The following EYS variants were observed in gnomAD, a reference collection of about 807,000 sequenced individuals.
The protein encoded by EYS is EGF-like photoreceptor maintenance factor, also known as protein eyes shut homolog.
EYS carries 250 observed loss-of-function variants against 282.1 expected under a neutral mutation model. The observed-to-expected ratio is 0.89, with a 90% CI of 0.80 to 0.98. The LOEUF (loss-of-function observed/expected upper bound fraction) is 0.98. Among genes scored for constraint, EYS ranks in the 50% least tolerant of loss-of-function variants. The pLI is 0.00. For missense variants in EYS, 4,016 were observed against 3,709.0 expected, an observed-to-expected ratio of 1.08 and a Z score of -2.15; for synonymous variants, 1,355 against 1,282.9, an observed-to-expected ratio of 1.06 and a Z score of -1.20.
intron 12 of EYS, among the ~76,000 whole-genome samples, chr6:65,098,329 C>T (rs949749503): frequency 2.0e-5 from 3 of 150,588 alleles, no homozygotes; most frequent in Admixed American, 6.7e-5. Context: ...CCTATAGCCT[C>T]GGGGTTTTAG....
intron 19 of EYS, among the ~76,000 whole-genome samples, chr6:64,839,877 GC>G (rs1413581299): frequency 3.3e-5 from 5 of 151,978 alleles, no homozygotes; most frequent in African/African-American, 1.2e-4. Context: ...TGAGGGAAGA[GC>G]CCTCATGATT....
At chr6:65,250,829 A>T (rs1206484134) in intron 12 of EYS, among the ~76,000 whole-genome samples, 1 of 151,806 alleles carries the variant, frequency 6.6e-6, no homozygotes, top group African/African-American at 2.4e-5. Flanking sequence ...CAAAAAAAAA[A>T]TTAATCTACC....
At chr6:64,175,607 A>G (rs535038931) in intron 31 of EYS, among the ~76,000 whole-genome samples, 1 of 152,306 alleles carries the variant, frequency 6.6e-6, no homozygotes, top group Admixed American at 6.5e-5. Context: ...TGAATTGCAC[A>G]TGCCAGGGCA....
intron 33 of EYS, among the ~76,000 whole-genome samples, chr6:64,003,580 C>A (rs1768198607): frequency 6.6e-6 from 1 of 152,024 alleles, no homozygotes; most frequent in Non-Finnish European, 1.5e-5. Context: ...CCACTATGGA[C>A]CCACAAAACT....
At chr6:63,966,215 C>T (rs58064395) in intron 35 of EYS, among the ~76,000 whole-genome samples, 2 of 152,202 alleles carry the variant, frequency 1.3e-5, no homozygotes, top group South Asian at 4.1e-4. Context: ...ACATTTGCAG[C>T]GACCTGGATG....
chr6:65,273,944 C>T (rs1241232612), intron 12 of EYS, among the ~76,000 whole-genome samples: 1 of 152,200 alleles, frequency 6.6e-6, no homozygotes, highest in Non-Finnish European at 1.5e-5. Context: ...CTACTGGACA[C>T]TGTCCCTGAA....
chr6:64,907,064 A>G (rs939037770), intron 16 of EYS, among the ~76,000 whole-genome samples: 1 of 151,798 alleles, frequency 6.6e-6, no homozygotes, highest in Non-Finnish European at 1.5e-5. Context: ...ATTATTTTTT[A>G]TTATTAGAGA....
At chr6:64,196,253 A>G (rs1301430538) in intron 31 of EYS, among the ~76,000 whole-genome samples, 4 of 152,156 alleles carry the variant, frequency 2.6e-5, no homozygotes, top group Non-Finnish European at 5.9e-5. Context: ...AACAGGTGCT[A>G]GAGAGGATGT....
intron 12 of EYS, among the ~76,000 whole-genome samples, chr6:65,116,646 G>A (rs1319296471): frequency 1.3e-5 from 2 of 151,988 alleles, no homozygotes; most frequent in Non-Finnish European, 2.9e-5. Flanking sequence ...AAGAAAACTA[G>A]CCAGGAAGGT....
intron 26 of EYS, among the ~76,000 whole-genome samples, chr6:64,524,144 G>A (rs1368488859): frequency 6.6e-6 from 1 of 151,582 alleles, no homozygotes; most frequent in Admixed American, 6.6e-5. Flanking sequence ...CTTTCAATTT[G>A]TAGATAAGAA....
At chr6:65,398,253 A>G (rs968868568) in intron 7 of EYS, among the ~76,000 whole-genome samples, 10 of 151,978 alleles carry the variant, frequency 6.6e-5, no homozygotes, top group Non-Finnish European at 1.3e-4. Flanking sequence ...GGTTATAGTA[A>G]CCAAAACAGC....
rs191317233 is a variant in EYS at position 64,729,868 on chromosome 6, T to A, written c.3443+83510A>T. On this transcript the variant is annotated intron_variant, in intron 22 of 42. Transcript: ENST00000503581. The stretch of plus-strand genomic sequence containing the variant: ...TTTAAAAGTTACTTAATTGTGAAAC[T>A]ATTGGTTTAACTGGTAAAATAGTTG... 3.2e-4 allele frequency among the ~76,000 whole-genome samples: 48 copies of A among 152,316 alleles called. No homozygotes were observed. The South Asian group carries it at 4.3e-3, about 14-fold the overall frequency.
chr6:65,514,466 G>T (rs988040196), intron 2 of EYS, among the ~76,000 whole-genome samples: 1 of 152,138 alleles, frequency 6.6e-6, no homozygotes, highest in African/African-American at 2.4e-5. Flanking sequence ...AACCAAAAAA[G>T]AGCTTGCATT....
At chr6:64,943,005 A>G (rs1227800939) in intron 15 of EYS, among the ~76,000 whole-genome samples, 1 of 152,026 alleles carries the variant, frequency 6.6e-6, no homozygotes, top group Admixed American at 6.6e-5. Context: ...CAGCACATCA[A>G]AAAGTTAATT....
intron 31 of EYS, among the ~76,000 whole-genome samples, chr6:64,084,170 A>G (rs1426299884): frequency 1.3e-5 from 2 of 152,218 alleles, no homozygotes; most frequent in Non-Finnish European, 2.9e-5. Context: ...ATGACTCATG[A>G]GCATTTATTC....
chr6:64,664,390 G>A (rs1397017495), intron 22 of EYS, among the ~76,000 whole-genome samples: 2 of 152,238 alleles, frequency 1.3e-5, no homozygotes, highest in East Asian at 3.9e-4. Context: ...CAAGCTCCGT[G>A]TTTAAAGGTG....
At chr6:64,307,589 A>G (rs746471859) in intron 29 of EYS, among the ~76,000 whole-genome samples, 3 of 152,116 alleles carry the variant, frequency 2.0e-5, no homozygotes, top group Non-Finnish European at 4.4e-5. Context: ...ATTTAGGTCA[A>G]GAGATACAAA....
intron 26 of EYS, among the ~76,000 whole-genome samples, chr6:64,452,742 A>C (rs918529523): frequency 4.6e-5 from 7 of 152,334 alleles, no homozygotes; most frequent in African/African-American, 1.4e-4. Flanking sequence ...AAATCTGACA[A>C]AAACAAGCAA....
chr6:64,334,625 C>T (rs1276623131), intron 29 of EYS, among the ~76,000 whole-genome samples: 2 of 152,142 alleles, frequency 1.3e-5, no homozygotes, highest in Admixed American at 6.6e-5. Flanking sequence ...GTCAGTGAAA[C>T]AGCCCGAGCC....
Sources: gnomAD v4.1 joint callset for allele counts (sites outside exome capture counted in the v4.1 genomes callset) on GRCh38, gnomAD v4.1.1 for gene constraint, MANE v1.5 for transcripts, NCBI Gene and HGNC (gene_info 2026-07-23, HGNC 2026-07-21) for gene names.